MAP4: variants seen among roughly 807,000 people sequenced by gnomAD.
The protein encoded by MAP4 is microtubule-associated protein 4.
A neutral mutation model predicts 170.2 loss-of-function variants in MAP4; 76 were observed. The ratio of observed to expected loss-of-function variants is 0.45; its 90% CI spans 0.37 to 0.54. The LOEUF (loss-of-function observed/expected upper bound fraction) is 0.54. MAP4 is among the 20% of genes least tolerant of loss of function. The pLI is 0.00. For missense variants in MAP4, 2,506 were observed against 2,748.0 expected (o/e 0.91, Z 1.97); for synonymous variants, 909 against 994.5 (o/e 0.91, Z 1.62).
intron 1 of MAP4, among the ~76,000 whole-genome samples, chr3:48,012,450 C>A (rs562833958): frequency 6.6e-6 from 1 of 152,112 alleles, no homozygotes; most frequent in Admixed American, 6.5e-5. Flanking sequence ...TAACAACATA[C>A]CATAAAAATC....
Position 47,911,787 on chromosome 3 carries a change from C to T in MAP4, c.2634G>A (p.Glu878=). The change falls in exon 9 of 21, where the codon GAG becomes GAA. Residue 878 remains glutamate (E), a synonymous_variant. Transcript: ENST00000683076. The surrounding 1 kb of genome is among the most constrained non-coding windows in gnomAD (Gnocchi z 4.0). ...CTGACTTGTTACTTTTGCTCTCTTC[C>T]TCTACTCTCAGCTTAGACTGAGAAC... ...AISSQSKLRV[E]EESKSNKSVL... is the part of the protein sequence containing the mutation. The T allele has an allele frequency of 6.5e-7, 1 of 1,536,154 alleles. No homozygotes were observed. The highest frequency in any genetic ancestry group is 2.0e-5 in the Admixed American group (1 of 51,006).
chr3:47,881,825 C>T (rs909771835), intron 10 of MAP4, among the ~76,000 whole-genome samples: 2 of 152,010 alleles, frequency 1.3e-5, no homozygotes, highest in East Asian at 1.9e-4. Context: ...AGGCTGGTCT[C>T]GAACTCCTAG....
intron 1 of MAP4, among the ~76,000 whole-genome samples, chr3:48,084,445 T>G (rs1176861340): frequency 6.6e-6 from 1 of 151,734 alleles, no homozygotes; most frequent in Non-Finnish European, 1.5e-5. Context: ...ACTTTCAACC[T>G]TAAAATGTTA....
chr3:48,047,997 G>C (rs2100125485), intron 1 of MAP4, among the ~76,000 whole-genome samples: 1 of 152,158 alleles, frequency 6.6e-6, no homozygotes, highest in Non-Finnish European at 1.5e-5. Flanking sequence ...CCATCTACTT[G>C]GAAGGCTGAG....
chr3:48,084,360 C>T (rs913305853), intron 1 of MAP4, among the ~76,000 whole-genome samples: 4 of 147,668 alleles, frequency 2.7e-5, no homozygotes. Flanking sequence ...ATCTCCCCCA[C>T]TGCTGACAGA....
intron 1 of MAP4, among the ~76,000 whole-genome samples, chr3:48,051,101 C>CACAG (rs1452498177): frequency 2.4e-4 from 32 of 132,778 alleles, no homozygotes; most frequent in Admixed American, 2.9e-4. Context: ...TCCACACACA[C>CACAG]ACACACACAC....
chr3:47,908,628 T>C (rs1253138926), intron 9 of MAP4, among the ~76,000 whole-genome samples: 1 of 152,190 alleles, frequency 6.6e-6, no homozygotes, highest in Admixed American at 6.5e-5. Flanking sequence ...CTCATGCACA[T>C]AGCTAGACAT....
At chr3:48,087,587 T>A (rs761800811) in intron 1 of MAP4, among the ~76,000 whole-genome samples, 2 of 151,602 alleles carry the variant, frequency 1.3e-5, no homozygotes, top group Admixed American at 6.6e-5. Flanking sequence ...CTGGGCTGAG[T>A]GAGCAAATTA....
chr3:47,953,652 A>G (rs919118866), intron 3 of MAP4, among the ~76,000 whole-genome samples: 3 of 152,136 alleles, frequency 2.0e-5, no homozygotes, highest in African/African-American at 7.2e-5. Context: ...GTTGGAATGG[A>G]TTTTTCATGT....
chr3:48,083,053 A>ATAG (rs2100147375), intron 1 of MAP4, among the ~76,000 whole-genome samples: 1 of 152,168 alleles, frequency 6.6e-6, no homozygotes, highest in South Asian at 2.1e-4. Flanking sequence ...TATTGGAAGA[A>ATAG]ACTAAAGAAT....
chr3:48,075,974 C>CAAAAAAAAA (rs60556044), intron 1 of MAP4, among the ~76,000 whole-genome samples: 4 of 47,544 alleles, frequency 8.4e-5, no homozygotes, highest in Non-Finnish European at 1.7e-4. Context: ...AACTCCATCT[C>CAAAAAAAAA]AAAAAAAAAA....
At chr3:47,896,865 G>A (rs1249874875) in intron 10 of MAP4, among the ~76,000 whole-genome samples, 3 of 152,156 alleles carry the variant, frequency 2.0e-5, no homozygotes, top group Non-Finnish European at 4.4e-5. Flanking sequence ...TAGGACAAGG[G>A]TCCATTATAT....
At chr3:48,071,232 C>T (rs1274031338) in intron 1 of MAP4, among the ~76,000 whole-genome samples, 3 of 151,986 alleles carry the variant, frequency 2.0e-5, no homozygotes, top group Non-Finnish European at 4.4e-5. Flanking sequence ...AATAAGTAAG[C>T]TTGAGTTTAC....
At chr3:48,013,493 A>T (rs1179377159) in intron 1 of MAP4, 1 of 152,054 alleles carries the variant, frequency 6.6e-6, no homozygotes, top group Admixed American at 6.6e-5. Context: ...TGAATGAGTC[A>T]CCTTTCAGGG....
chr3:47,868,815 A>G (rs760448447), intron 16 of MAP4, among the ~76,000 whole-genome samples: 27 of 152,224 alleles, frequency 1.8e-4, no homozygotes, highest in Non-Finnish European at 3.5e-4. Flanking sequence ...GGTAAAGCAC[A>G]GGGGCTCCAG....
At chr3:48,029,330 C>T (rs1352727665) in intron 1 of MAP4, among the ~76,000 whole-genome samples, 1 of 151,664 alleles carries the variant, frequency 6.6e-6, no homozygotes, top group Non-Finnish European at 1.5e-5. Context: ...CCCAGCTACT[C>T]GGGAGGCTGG....
At chr3:47,963,649 T>C (rs576991956) in intron 3 of MAP4, among the ~76,000 whole-genome samples, 1 of 152,352 alleles carries the variant, frequency 6.6e-6, no homozygotes, top group African/African-American at 2.4e-5. Flanking sequence ...AGATTATTCA[T>C]TCAATAGCTA....
chr3:48,069,304 G>A (rs2100139875), intron 1 of MAP4, among the ~76,000 whole-genome samples: 1 of 152,144 alleles, frequency 6.6e-6, no homozygotes, highest in Admixed American at 6.6e-5. Context: ...TGTCTTACTA[G>A]CATTCTGAAG....
chr3:47,866,371 C>A (rs962824253), intron 17 of MAP4, among the ~76,000 whole-genome samples: 4 of 149,054 alleles, frequency 2.7e-5, no homozygotes, highest in South Asian at 2.1e-4. Context: ...AACAAACAAA[C>A]AAACAAAAAA....
Sources: gnomAD v4.1 joint callset for allele counts (sites outside exome capture counted in the v4.1 genomes callset) on GRCh38, gnomAD v4.1.1 for gene constraint, Gnocchi (gnomAD v3.1) non-coding constraint, MANE v1.5 for transcripts, NCBI Gene and HGNC (gene_info 2026-07-23, HGNC 2026-07-21) for gene names.